SIPA1L3: variants seen among roughly 807,000 people sequenced by gnomAD.
SIPA1L3 encodes the protein signal-induced proliferation-associated 1-like protein 3.
In SIPA1L3, 59 loss-of-function variants were observed where a neutral mutation model predicts 150.1. That is an observed-to-expected ratio of 0.39 (90% CI 0.32 to 0.49). SIPA1L3 has a LOEUF of 0.49. SIPA1L3 is among the 20% of genes least tolerant of loss of function. The pLI, the probability that SIPA1L3 is intolerant of heterozygous loss-of-function variation, is 0.86. For missense variants in SIPA1L3, 2,211 were observed against 2,489.5 expected, an observed-to-expected ratio of 0.89 and a Z score of 2.38; for synonymous variants, 1,070 against 1,077.6, an observed-to-expected ratio of 0.99 and a Z score of 0.14.
At chr19:38,196,111 G>A (rs1481857693) in intron 18 of SIPA1L3, among the ~76,000 whole-genome samples, 1 of 152,170 alleles carries the variant, frequency 6.6e-6, no homozygotes, top group Non-Finnish European at 1.5e-5. Context: ...GCCTGCTCCA[G>A]AGCCCTTCCC....
intron 15 of SIPA1L3, among the ~76,000 whole-genome samples, chr19:38,165,356 A>G (rs577771228): frequency 4.6e-5 from 7 of 152,156 alleles, no homozygotes; most frequent in Non-Finnish European, 8.8e-5. Context: ...GAGCCAGGCT[A>G]GTGCTGTGGC....
intron 1 of SIPA1L3, among the ~76,000 whole-genome samples, chr19:37,941,873 G>A (rs999566872): frequency 3.9e-5 from 6 of 152,208 alleles, no homozygotes; most frequent in African/African-American, 1.2e-4. Context: ...GCAGAGGCAA[G>A]CCCTGGTAAC....
intron 1 of SIPA1L3, among the ~76,000 whole-genome samples, chr19:37,982,943 C>T (rs932550217): frequency 3.3e-5 from 5 of 152,168 alleles, no homozygotes; most frequent in African/African-American, 1.2e-4. Flanking sequence ...GGGTTGTCTT[C>T]CTGGGGTCGA....
At chr19:37,984,767 G>A (rs79329458) in intron 1 of SIPA1L3, among the ~76,000 whole-genome samples, 2 of 152,228 alleles carry the variant, frequency 1.3e-5, no homozygotes, top group Admixed American at 1.3e-4. Flanking sequence ...TGTTCTGTAG[G>A]CTGCTGTGGA....
chr19:38,107,767 G>A (rs373442967), intron 7 of SIPA1L3, among the ~76,000 whole-genome samples: 17 of 152,180 alleles, frequency 1.1e-4, no homozygotes, highest in South Asian at 6.2e-4. Flanking sequence ...ACCTGAGGTC[G>A]GGAGTTTGAG....
chr19:38,077,649 C>CTTT (rs1187168284), intron 2 of SIPA1L3, among the ~76,000 whole-genome samples: 1 of 72,482 alleles, frequency 1.4e-5, no homozygotes, highest in African/African-American at 6.1e-5. Flanking sequence ...TTTCTTTTTT[C>CTTT]TTTTTCTTTT....
At position 38,101,225 on chromosome 19, in the gene SIPA1L3, G is replaced by C. The variant is rs1478228050; in HGVS notation, c.2028G>C (p.Lys676Asn). The change falls in exon 6 of 22, where the codon AAG becomes AAC. Residue 676 changes from lysine to asparagine, a missense_variant and splice_region_variant. Physicochemically the swap from Lys to Asn is moderately conservative, Grantham distance 94. Coordinates refer to ENST00000222345, the MANE Select transcript of SIPA1L3 (RefSeq NM_015073.3). ...AGTACGCTGCCCAGCTGGACGTCAAGAGTAAGTAGGGGGCCGGTTAGATCA... is the reference window on the plus strand; with the variant it reads ...AGTACGCTGCCCAGCTGGACGTCAACAGTAAGTAGGGGGCCGGTTAGATCA... ...FTKYAAQLDVKTDSTGTHSLY... is the reference protein window; with the variant it reads ...FTKYAAQLDVNTDSTGTHSLY... 6.5e-7 allele frequency: 1 copy of C among 1,549,604 alleles called. No individual in the cohort carries two copies. The highest frequency in any genetic ancestry group is 2.0e-5 in the Admixed American group (1 of 49,736).
In SIPA1L3 at chr19:38,183,712, G is replaced by C. The variant is rs1036130779; in HGVS notation, c.4430+972G>C. Among the ~76,000 whole-genome samples the C allele has an allele frequency of 2.0e-5, 3 of 152,196 alleles. 1 individual carries two copies. The highest frequency in any genetic ancestry group is 7.2e-5 in the African/African-American group (3 of 41,440). On this transcript the variant is annotated intron_variant, in intron 16 of 21. Transcript: ENST00000222345. Reference sequence around the variant, plus strand: ...AGGCTGGAAGAGCCCCTAAGGCAGGGTGTGGAGAGAGGAGAAATGTGGGAC... The same window carrying C: ...AGGCTGGAAGAGCCCCTAAGGCAGGCTGTGGAGAGAGGAGAAATGTGGGAC...
chr19:38,065,687 G>T (rs926707000), intron 2 of SIPA1L3, among the ~76,000 whole-genome samples: 1 of 151,978 alleles, frequency 6.6e-6, no homozygotes, highest in Non-Finnish European at 1.5e-5. Flanking sequence ...CTCCCAAAGT[G>T]CTGGGATTAC....
intron 2 of SIPA1L3, among the ~76,000 whole-genome samples, chr19:38,056,818 C>T (rs1568524403): frequency 1.3e-5 from 2 of 152,232 alleles, no homozygotes; most frequent in East Asian, 3.9e-4. Context: ...AATTCCAACA[C>T]TTTGGGAGGC....
At position 37,927,691 on chromosome 19, in the gene SIPA1L3, G is replaced by T. The variant is rs538680412; in HGVS notation, c.-379+20333G>T. The stretch of plus-strand genomic sequence containing the variant: ...TGTGTGTGTGTGTGTGTGTGTGTGT[G>T]TATGCAATGTTTAGCTCTCACTTGT... On this transcript the variant is annotated intron_variant, in intron 1 of 21. Transcript: ENST00000222345. 6.1e-3 allele frequency among the ~76,000 whole-genome samples: 799 copies of T among 131,356 alleles called. 8 individuals carry two copies. Among genetic ancestry groups the T allele is most frequent in the African/African-American group, 0.022 (768 of 35,278 alleles). 86.2% of individuals were successfully genotyped at this position (131,356 alleles called of 152,430 possible). A position where few individuals can be genotyped will look rare whatever the true frequency, so the allele number is the denominator to read the frequency against.
At chr19:37,985,106 G>A (rs1599868203) in intron 1 of SIPA1L3, among the ~76,000 whole-genome samples, 1 of 152,130 alleles carries the variant, frequency 6.6e-6, no homozygotes. Flanking sequence ...GTAGCATTTT[G>A]GGAGGCCAAG....
intron 9 of SIPA1L3, among the ~76,000 whole-genome samples, chr19:38,123,866 C>T (rs1308480820): frequency 2.1e-4 from 25 of 119,792 alleles, no homozygotes; most frequent in Admixed American, 1.3e-3. Flanking sequence ...CCTCACCTCC[C>T]GGACAGGGCG....
At chr19:38,145,439 G>C (rs746514432) in intron 12 of SIPA1L3, among the ~76,000 whole-genome samples, 1 of 150,940 alleles carries the variant, frequency 6.6e-6, no homozygotes, top group African/African-American at 2.4e-5. Context: ...AGGCTGAAGC[G>C]AGAGAATCGT....
chr19:37,909,832 T>A (rs559639214), intron 1 of SIPA1L3, among the ~76,000 whole-genome samples: 1 of 152,312 alleles, frequency 6.6e-6, no homozygotes, highest in East Asian at 1.9e-4. Context: ...TTATTAGCGC[T>A]CCCCTTAGGT....
Position 38,081,245 on chromosome 19 carries a change from T to G in SIPA1L3, c.-310-11T>G, listed in dbSNP as rs1333216197. The G allele has an allele frequency of 4.9e-6, 2 of 408,988 alleles. No individual in the cohort carries two copies. Among genetic ancestry groups the G allele is most frequent in the East Asian group, 7.0e-5 (2 of 28,724 alleles). The allele number at this position is 408,988 out of a possible 1,614,324, so 25.3% of individuals were successfully genotyped here. ...CATCGCAGCTCATATTTTCCTTTTC[T>G]TCCATTTCAGCATGGCGAGGACAAC... On this transcript the variant is annotated splice_polypyrimidine_tract_variant and intron_variant, in intron 2 of 21. Transcript: ENST00000222345.
At chr19:38,032,362 G>C (rs1483615469) in intron 2 of SIPA1L3, among the ~76,000 whole-genome samples, 2 of 152,166 alleles carry the variant, frequency 1.3e-5, no homozygotes, top group East Asian at 3.9e-4. Context: ...GGGCCTTAGG[G>C]AACTTGGAAA....
At chr19:37,975,384 A>G (rs1041392051) in intron 1 of SIPA1L3, among the ~76,000 whole-genome samples, 2 of 152,080 alleles carry the variant, frequency 1.3e-5, no homozygotes, top group Admixed American at 1.3e-4. Context: ...TCCAGGGGGA[A>G]CTGGAAAGCC....
intron 1 of SIPA1L3, among the ~76,000 whole-genome samples, chr19:37,961,730 A>G (rs184854827): frequency 3.6e-4 from 55 of 151,970 alleles, no homozygotes; most frequent in African/African-American, 1.3e-3. Flanking sequence ...CTCTCCTCTC[A>G]TAGGACTCCC....
Sources: gnomAD v4.1 joint callset for allele counts (sites outside exome capture counted in the v4.1 genomes callset) on GRCh38, gnomAD v4.1.1 for gene constraint, MANE v1.5 for transcripts, NCBI Gene and HGNC (gene_info 2026-07-23, HGNC 2026-07-21) for gene names.